Variants in COL6A1 observed in about 807,000 individuals in gnomAD.
The protein encoded by COL6A1 is collagen type VI alpha 1 chain.
Under a neutral mutation model 145.6 loss-of-function variants are expected in COL6A1, and 80 were observed. That is an observed-to-expected ratio of 0.55 (90% CI 0.46 to 0.66). The LOEUF (loss-of-function observed/expected upper bound fraction) is 0.66. Among genes scored for constraint, COL6A1 ranks in the 30% least tolerant of loss-of-function variants. The pLI is 0.00. For synonymous variants in COL6A1, 638 were observed against 622.8 expected, an observed-to-expected ratio of 1.02 and a Z score of -0.36; for missense variants, 1,364 against 1,473.8, an observed-to-expected ratio of 0.93 and a Z score of 1.22.
rs1232119372 is a variant in COL6A1 at position 45,992,343 on chromosome 21, T to A, written c.1237-20T>A. On this transcript the variant is annotated intron_variant, in intron 17 of 34. Coordinates refer to ENST00000361866, the MANE Select transcript of COL6A1 (RefSeq NM_001848.3). ...TGTGTCCACCAGACTAACGCCGGCGTCTGTTTCTCTTCATCCCAGGGGAAC... is the reference window on the plus strand; with the variant it reads ...TGTGTCCACCAGACTAACGCCGGCGACTGTTTCTCTTCATCCCAGGGGAAC... The A allele has an allele frequency of 6.2e-7, 1 of 1,613,606 alleles. No individual in the cohort carries two copies. The highest frequency in any genetic ancestry group is 1.3e-5 in the African/African-American group (1 of 74,900).
Position 46,001,964 on chromosome 21 carries a change from GAGCCAGGGC to G in COL6A1, c.1963_1971del (p.Pro655_Gln657del). 1 of 1,612,222 alleles carries G rather than the reference GAGCCAGGGC, an allele frequency of 6.2e-7. No individual in the cohort carries two copies. Among genetic ancestry groups the G allele is most frequent in the Non-Finnish European group, 8.5e-7 (1 of 1,179,784 alleles). ...GACCCCGGTGCCGGTCCCACAGTTC[GAGCCAGGGC>G]AGTCGTACGCGGGTGTGGTGCAGTA... On this transcript the variant is annotated inframe_deletion, in exon 31 of 35. Coordinates refer to ENST00000361866, the MANE Select transcript of COL6A1 (RefSeq NM_001848.3).
rs1473160125 is a variant in COL6A1, at chr21:45,986,508, C to G, written c.429-18C>G. On this transcript the variant is annotated intron_variant, in intron 3 of 34. Coordinates refer to ENST00000361866, the MANE Select transcript of COL6A1 (RefSeq NM_001848.3). Reference sequence around the variant, plus strand: ...CCCCACCTAGTCTCGAGGTCTCACGCTGCCCTCTCCTGTCCAGGGGCTCCC... The same window carrying G: ...CCCCACCTAGTCTCGAGGTCTCACGGTGCCCTCTCCTGTCCAGGGGCTCCC... The G allele has an allele frequency of 1.3e-6, 2 of 1,553,346 alleles. No homozygotes were observed. The highest frequency in any genetic ancestry group is 8.7e-7 in the Non-Finnish European group (1 of 1,148,508).
intron 31 of COL6A1, 22 bp from the exon 32 acceptor site, chr21:46,002,196 C>T (rs2077850259): frequency 1.3e-6 from 2 of 1,588,710 alleles, no homozygotes; most frequent in African/African-American, 1.3e-5. Flanking sequence ...CCAACCGGCC[C>T]TTCCTGCCCT....
chr21:45,990,852 T>G (rs371199765), intron 14 of COL6A1, 26 bp downstream of exon 14: 160 of 1,612,884 alleles, frequency 9.9e-5, no homozygotes, highest in Non-Finnish European at 1.3e-4. Context: ...TCACTGATAC[T>G]TTAAAACTAG....
chr21:45,983,136 G>C (rs933047332), intron 2 of COL6A1, among the ~76,000 whole-genome samples: 1 of 152,220 alleles, frequency 6.6e-6, no homozygotes, highest in Non-Finnish European at 1.5e-5. Context: ...CCTGGTGCGC[G>C]GGAGCCCCTC....
At position 45,994,494 on chromosome 21, in the gene COL6A1, G is replaced by C. The variant is rs1030624187; in HGVS notation, c.1398+265G>C. Among the ~76,000 whole-genome samples, 3 of 152,118 alleles carry C rather than the reference G, an allele frequency of 2.0e-5. No individual in the cohort carries two copies. Among genetic ancestry groups the C allele is most frequent in the African/African-American group, 7.2e-5 (3 of 41,422 alleles). On this transcript the variant is annotated intron_variant, in intron 20 of 34. Coordinates refer to ENST00000361866, the MANE Select transcript of COL6A1 (RefSeq NM_001848.3). This position sits in a 1 kb window ranked among gnomAD's most constrained non-coding sequence, Gnocchi z 6.8. ...CAGCCCAGGTGGAGAAGCGCTGTCTGGGGGCCCATCCGGGGCAAGGGTGCC... is the reference window on the plus strand; with the variant it reads ...CAGCCCAGGTGGAGAAGCGCTGTCTCGGGGCCCATCCGGGGCAAGGGTGCC...
At position 46,002,670 on chromosome 21, in the gene COL6A1, G is replaced by C. The variant is rs767361934; in HGVS notation, c.2394G>C (p.Glu798Asp). ...LVKENYAELLEDAFLKNVTAQ... is the reference protein window; with the variant it reads ...LVKENYAELLDDAFLKNVTAQ... ...AGGAGAACTATGCAGAGCTGCTGGAGGATGCCTTCCTGAAGAATGTCACCG... is the reference window on the plus strand; with the variant it reads ...AGGAGAACTATGCAGAGCTGCTGGACGATGCCTTCCTGAAGAATGTCACCG... The change falls in exon 33 of 35, where the codon GAG becomes GAC. Residue 798 changes from glutamate to aspartate, a missense_variant. This residue lies in a region of COL6A1 where 938 missense variants were observed against 1,003.8 expected (regional missense o/e 0.93). Coordinates refer to ENST00000361866, the MANE Select transcript of COL6A1 (RefSeq NM_001848.3). The C allele has an allele frequency of 2.5e-6, 4 of 1,613,840 alleles. No individual in the cohort carries two copies. The Admixed American group carries it at 6.7e-5, about 27-fold the overall frequency.
At chr21:45,999,938 G>GAAGACGTGA (rs1569518895) in intron 27 of COL6A1, among the ~76,000 whole-genome samples, 1 of 63,488 alleles carries the variant, frequency 1.6e-5, no homozygotes, top group African/African-American at 6.3e-5. Context: ...AGGATCATGG[G>GAAGACGTGA]GGGGACGTGT....
chr21:46,000,256 G>T, intron 27 of COL6A1, 75 bp from the exon 28 acceptor site: 2 of 1,587,494 alleles, frequency 1.3e-6, no homozygotes, highest in Non-Finnish European at 1.7e-6. Context: ...AGGGTGACCT[G>T]GAGATCCAGC....
At position 45,999,683 on chromosome 21, in the gene COL6A1, T is replaced by C. The variant is rs2077827008; in HGVS notation, c.1767T>C (p.Pro589=). 1 of 1,612,670 alleles carries C rather than the reference T, an allele frequency of 6.2e-7. No homozygotes were observed. Among genetic ancestry groups the C allele is most frequent in the Non-Finnish European group, 8.5e-7 (1 of 1,179,664 alleles). ...GACCCCCAGGACACCAAGGACCGCC[T>C]GGGCCGGACGTAAGTGGGGCTCTGT... ...PQGPPGHQGP[P]GPDECEILDI... Residue 589 remains proline (P), a synonymous_variant, in exon 27 of 35, where the codon CCT becomes CCC. Coordinates refer to ENST00000361866, the MANE Select transcript of COL6A1 (RefSeq NM_001848.3).
At chr21:45,987,300 C>T (rs113013628) in intron 6 of COL6A1, 125 bp downstream of exon 6, 109 of 1,508,420 alleles carry the variant, frequency 7.2e-5, no homozygotes, top group Middle Eastern at 7.0e-4. Context: ...ATGTCCCCTG[C>T]GTGTCTGCCC....
intron 6 of COL6A1, 115 bp downstream of exon 6, chr21:45,987,290 A>T: frequency 6.5e-7 from 1 of 1,533,722 alleles, no homozygotes; most frequent in Non-Finnish European, 8.9e-7. Flanking sequence ...CCCGGGACAC[A>T]TGTCCCCTGC....
chr21:45,991,888 G>A (rs1409178999), intron 15 of COL6A1, 122 bp from the exon 16 acceptor site: 3 of 950,828 alleles, frequency 3.2e-6, no homozygotes, highest in African/African-American at 1.6e-5. Context: ...TCTGGGCTCA[G>A]ACAGTGTTGG....
chr21:45,997,783 G>C, intron 22 of COL6A1, 21 bp downstream of exon 22: 3 of 1,568,594 alleles, frequency 1.9e-6, no homozygotes, highest in East Asian at 4.7e-5. Flanking sequence ...AACAGCTCGG[G>C]CCCTAGGGCG....
chr21:45,997,895 T>C, intron 22 of COL6A1, 133 bp downstream of exon 22: 1 of 1,156,324 alleles, frequency 8.6e-7, no homozygotes, highest in Admixed American at 2.4e-5. Context: ...CACTGGCTCC[T>C]GGCCACAGTC....
At chr21:45,993,915 G>A (rs192489647) in intron 19 of COL6A1, among the ~76,000 whole-genome samples, 3 of 152,330 alleles carry the variant, frequency 2.0e-5, no homozygotes, top group Middle Eastern at 3.4e-3. Flanking sequence ...AGGGATGCAC[G>A]CAGGGACGCC....
At chr21:45,999,599 T>C in intron 26 of COL6A1, 58 bp from the exon 27 acceptor site, 4 of 1,592,608 alleles carry the variant, frequency 2.5e-6, no homozygotes, top group Non-Finnish European at 2.6e-6. Context: ...CTGTCTCAGC[T>C]CAGGAAGCAC....
chr21:46,000,458 G>A (rs1218840620), intron 28 of COL6A1, 91 bp downstream of exon 28: 1 of 1,475,098 alleles, frequency 6.8e-7, no homozygotes, highest in East Asian at 2.3e-5. Flanking sequence ...CCACTGTTGG[G>A]GGCCTGGGTC....
chr21:46,002,153 C>G (rs563647176), intron 31 of COL6A1, 65 bp from the exon 32 acceptor site: 1 of 1,575,520 alleles, frequency 6.3e-7, no homozygotes, highest in African/African-American at 1.3e-5. Flanking sequence ...ACCCCTGATC[C>G]CAGGTGGGCT....
Sources: gnomAD v4.1 joint callset for allele counts (sites outside exome capture counted in the v4.1 genomes callset) on GRCh38, gnomAD v4.1.1 for gene constraint, gnomAD v4.1.1 regional missense constraint, Gnocchi (gnomAD v3.1) non-coding constraint, MANE v1.5 for transcripts, NCBI Gene and HGNC (gene_info 2026-07-23, HGNC 2026-07-21) for gene names.